Variants in KCNQ1 observed in about 807,000 individuals in gnomAD.
The protein encoded by KCNQ1 is potassium voltage-gated channel subfamily Q member 1, also known as potassium voltage-gated channel subfamily KQT member 1.
KCNQ1 carries 49 observed loss-of-function variants against 72.4 expected under a neutral mutation model. That is an observed-to-expected ratio of 0.68 (90% confidence interval 0.54 to 0.86). The LOEUF is 0.86. Ranked by LOEUF, KCNQ1 falls within the 40% of genes least tolerant of loss-of-function variation. KCNQ1 has a pLI of 0.00. For synonymous variants in KCNQ1, 450 were observed against 412.6 expected (o/e 1.09, Z -1.10); for missense variants, 790 against 945.1 (o/e 0.84, Z 2.15).
chr11:2,499,049 C>T (rs962910056), intron 1 of KCNQ1, among the ~76,000 whole-genome samples: 5 of 152,204 alleles, frequency 3.3e-5, no homozygotes, highest in Non-Finnish European at 7.3e-5. Flanking sequence ...CCGTGGGCTG[C>T]ACCCACTGCC....
intron 3 of KCNQ1, among the ~76,000 whole-genome samples, 183 bp downstream of exon 3, chr11:2,570,937 G>A (rs1044429516): frequency 6.6e-6 from 1 of 152,170 alleles, no homozygotes; most frequent in Non-Finnish European, 1.5e-5. Context: ...GCACTCAGAC[G>A]CTGATCATGG....
Position 2,683,220 on chromosome 11 carries a change from G to A in KCNQ1, c.1514+21139G>A. 2.5e-6 allele frequency: 1 copy of A among 398,656 alleles called. No homozygotes were observed. Among genetic ancestry groups the A allele is most frequent in the Non-Finnish European group, 4.4e-6 (1 of 226,090 alleles). The allele number at this position is 398,656 out of a possible 1,614,324, so 24.7% of individuals were successfully genotyped here. A position where few individuals can be genotyped will look rare whatever the true frequency, so the allele number is the denominator to read the frequency against. On this transcript the variant is annotated intron_variant, in intron 11 of 15. Transcript: ENST00000155840. This position sits in a 1 kb window ranked among gnomAD's most constrained non-coding sequence, Gnocchi z 4.7. ...GCTCATGCATTGTGATGGAACTAGA[G>A]GTGAGATACAGAGCAGGAGTCCATG...
At chr11:2,765,159 T>G (rs1322736968) in intron 11 of KCNQ1, among the ~76,000 whole-genome samples, 2 of 152,236 alleles carry the variant, frequency 1.3e-5, no homozygotes, top group Non-Finnish European at 2.9e-5. Context: ...TCACTGTACT[T>G]TCAGTACCTA....
In KCNQ1 at chr11:2,683,506, T is replaced by C. The variant is rs1006885913; in HGVS notation, c.1514+21425T>C. The C allele has an allele frequency of 7.5e-6, 3 of 398,506 alleles. No individual in the cohort carries two copies. The highest frequency in any genetic ancestry group is 6.2e-5 in the African/African-American group (3 of 48,624). The allele number at this position is 398,506 out of a possible 1,614,324, so 24.7% of individuals were successfully genotyped here. On this transcript the variant is annotated intron_variant, in intron 11 of 15. Coordinates refer to ENST00000155840, the MANE Select transcript of KCNQ1 (RefSeq NM_000218.3). This position sits in a 1 kb window ranked among gnomAD's most constrained non-coding sequence, Gnocchi z 4.7. ...TATTAAAACATAACTTGTTAAAGCATAGAGCTTAGTTCAGAGTAAACATTT... is the reference window on the plus strand; with the variant it reads ...TATTAAAACATAACTTGTTAAAGCACAGAGCTTAGTTCAGAGTAAACATTT...
rs1848775226 is a variant in KCNQ1 at position 2,599,740 on chromosome 11, C to A, written c.1393+10886C>A. ...CATCACATGACCATTGCTCTGGGCACTTGCACCCTGGTGTTTCTCTGTGTG... is the reference window on the plus strand; with the variant it reads ...CATCACATGACCATTGCTCTGGGCAATTGCACCCTGGTGTTTCTCTGTGTG... On this transcript the variant is annotated intron_variant, in intron 10 of 15. Transcript: ENST00000155840. The surrounding 1 kb of genome is among the most constrained non-coding windows in gnomAD (Gnocchi z 4.7). 6.6e-6 allele frequency among the ~76,000 whole-genome samples: 1 copy of A among 152,206 alleles called. No individual in the cohort carries two copies. The highest frequency in any genetic ancestry group is 1.5e-5 in the Non-Finnish European group (1 of 68,036).
chr11:2,561,901 A>G (rs575324128), intron 2 of KCNQ1, among the ~76,000 whole-genome samples: 61 of 151,730 alleles, frequency 4.0e-4, no homozygotes, highest in Non-Finnish European at 7.7e-4. Context: ...AGAGGGCCCC[A>G]CTCAAGGTCA....
intron 10 of KCNQ1, chr11:2,648,184 G>T: frequency 2.9e-6 from 1 of 341,528 alleles, no homozygotes; most frequent in Middle Eastern, 7.4e-4. Context: ...TAGCCTGGGT[G>T]ACAGAGTGAG....
chr11:2,548,504 C>T (rs2283158), intron 2 of KCNQ1, among the ~76,000 whole-genome samples: 22,079 of 152,234 alleles, frequency 0.15, 1,817 homozygotes, highest in East Asian at 0.3. Context: ...CCTTTCTCAG[C>T]CTTGTAGGTG....
intron 2 of KCNQ1, among the ~76,000 whole-genome samples, chr11:2,529,458 G>A (rs1847573293): frequency 7.3e-6 from 1 of 136,362 alleles, no homozygotes; most frequent in African/African-American, 2.8e-5. Flanking sequence ...GTGGTCTCCA[G>A]GAGCATGGTG....
At position 2,508,960 on chromosome 11, in the gene KCNQ1, G is replaced by A. The variant is rs1847149227; in HGVS notation, c.387-18968G>A. On this transcript the variant is annotated intron_variant, in intron 1 of 15. Coordinates refer to ENST00000155840, the MANE Select transcript of KCNQ1 (RefSeq NM_000218.3). This position sits in a 1 kb window ranked among gnomAD's most constrained non-coding sequence, Gnocchi z 6.2. Reference sequence around the variant, plus strand: ...AGAATGTAGAGCTCCAGCTGGATGAGGGCCGTGGGGAAGGGGCACAGCCCT... The same window carrying A: ...AGAATGTAGAGCTCCAGCTGGATGAAGGCCGTGGGGAAGGGGCACAGCCCT... 6.6e-6 allele frequency among the ~76,000 whole-genome samples: 1 copy of A among 152,226 alleles called. No homozygotes were observed. The highest frequency in any genetic ancestry group is 6.5e-5 in the Admixed American group (1 of 15,286).
chr11:2,498,347 T>C lies in KCNQ1; in HGVS notation c.387-29581T>C, dbSNP rs1245720589. Among the ~76,000 whole-genome samples the C allele has an allele frequency of 2.0e-5, 3 of 152,234 alleles. No individual in the cohort carries two copies. The highest frequency in any genetic ancestry group is 6.5e-5 in the Admixed American group (1 of 15,288). On this transcript the variant is annotated intron_variant, in intron 1 of 15. Transcript: ENST00000155840. The surrounding 1 kb of genome is among the most constrained non-coding windows in gnomAD (Gnocchi z 4.8). ...AATGGGAGTTTTATCTATAATCCCCTGACTGGGGCTGCTGCCTTTCTTTCA... is the reference window on the plus strand; with the variant it reads ...AATGGGAGTTTTATCTATAATCCCCCGACTGGGGCTGCTGCCTTTCTTTCA...
In KCNQ1 at chr11:2,627,430, T is replaced by C. The variant is rs906024050; in HGVS notation, c.1394-34531T>C. On this transcript the variant is annotated intron_variant, in intron 10 of 15. Coordinates refer to ENST00000155840, the MANE Select transcript of KCNQ1 (RefSeq NM_000218.3). The surrounding 1 kb of genome is among the most constrained non-coding windows in gnomAD (Gnocchi z 4.9). ...AACTTATTCATCTGATAACTCTATG[T>C]TTGTACCCTTCAACATTTCCTATTT... 2 of 398,404 alleles carry C rather than the reference T, an allele frequency of 5.0e-6. No homozygotes were observed. The highest frequency in any genetic ancestry group is 4.1e-5 in the African/African-American group (2 of 48,628). 24.7% of individuals were successfully genotyped at this position (398,404 alleles called of 1,614,324 possible).
Position 2,549,239 on chromosome 11 carries a change from T to G in KCNQ1, c.477+21221T>G, listed in dbSNP as rs1396176856. ...TCAGCAGGCTACAGCATCCAGCCAG[T>G]GCCACCAGGAGCCCACTGGTGCCAG... is the stretch of plus-strand genomic sequence containing the variant. On this transcript the variant is annotated intron_variant, in intron 2 of 15. Coordinates refer to ENST00000155840, the MANE Select transcript of KCNQ1 (RefSeq NM_000218.3). This position sits in a 1 kb window ranked among gnomAD's most constrained non-coding sequence, Gnocchi z 6.2. 6.6e-6 allele frequency among the ~76,000 whole-genome samples: 1 copy of G among 152,138 alleles called. No individual in the cohort carries two copies. The highest frequency in any genetic ancestry group is 1.5e-5 in the Non-Finnish European group (1 of 68,000).
intron 11 of KCNQ1, among the ~76,000 whole-genome samples, chr11:2,738,757 C>G (rs764513371): frequency 2.6e-5 from 4 of 152,216 alleles, no homozygotes; most frequent in Non-Finnish European, 5.9e-5. Flanking sequence ...GGCTGCAGCA[C>G]TGGCCACACA....
rs537777444 is a variant in KCNQ1 at position 2,527,241 on chromosome 11, G to A, written c.387-687G>A. Among the ~76,000 whole-genome samples, 25 of 152,228 alleles carry A rather than the reference G, an allele frequency of 1.6e-4. No individual in the cohort carries two copies. In the East Asian group the frequency reaches 4.1e-3, roughly 25 times the overall value. On this transcript the variant is annotated intron_variant, in intron 1 of 15. Coordinates refer to ENST00000155840, the MANE Select transcript of KCNQ1 (RefSeq NM_000218.3). ...GGAGGAAGTGAAACTGGAGGAGAGC[G>A]GCCCACAGCCTGCCGCCTGGAGGCT... is the stretch of plus-strand genomic sequence containing the variant.
At chr11:2,578,390 T>C (rs1016515424) in intron 6 of KCNQ1, among the ~76,000 whole-genome samples, 1 of 152,192 alleles carries the variant, frequency 6.6e-6, no homozygotes, top group Non-Finnish European at 1.5e-5. Flanking sequence ...CCCTCACTCA[T>C]AGGGCATTGT....
chr11:2,734,879 C>T lies in KCNQ1; in HGVS notation c.1515-33965C>T, dbSNP rs1037235516. Among the ~76,000 whole-genome samples, 1 of 151,804 alleles carries T rather than the reference C, an allele frequency of 6.6e-6. No homozygotes were observed. Among genetic ancestry groups the T allele is most frequent in the Non-Finnish European group, 1.5e-5 (1 of 67,952 alleles). The stretch of plus-strand genomic sequence containing the variant: ...GGGCCTGGCTGTGGCTTCCCAGGCC[C>T]CGGCTGGGACCACCGCAGAGGTGAT... On this transcript the variant is annotated intron_variant, in intron 11 of 15. Transcript: ENST00000155840. This position sits in a 1 kb window ranked among gnomAD's most constrained non-coding sequence, Gnocchi z 7.0.
Position 2,462,923 on chromosome 11 carries a change from T to A in KCNQ1, c.386+17439T>A. On this transcript the variant is annotated intron_variant, in intron 1 of 15. Coordinates refer to ENST00000155840, the MANE Select transcript of KCNQ1 (RefSeq NM_000218.3). This position sits in a 1 kb window ranked among gnomAD's most constrained non-coding sequence, Gnocchi z 8.2. ...GGGTTCAGGTTTCTTCCCCGTGAGC[T>A]GAGCAGACAGGGAGGGTCTTGGGGG... Among the ~76,000 whole-genome samples, 1 of 152,080 alleles carries A rather than the reference T, an allele frequency of 6.6e-6. No homozygotes were observed. Among genetic ancestry groups the A allele is most frequent in the Non-Finnish European group, 1.5e-5 (1 of 68,002 alleles).
At chr11:2,694,165 CTGAT>C (rs1850634473) in intron 11 of KCNQ1, 1 of 398,554 alleles carries the variant, frequency 2.5e-6, no homozygotes, top group Non-Finnish European at 4.4e-6. Context: ...AGAGGGTACT[CTGAT>C]TGGCCAGGCC....
Sources: gnomAD v4.1 joint callset for allele counts (sites outside exome capture counted in the v4.1 genomes callset) on GRCh38, gnomAD v4.1.1 for gene constraint, Gnocchi (gnomAD v3.1) non-coding constraint, MANE v1.5 for transcripts, NCBI Gene and HGNC (gene_info 2026-07-23, HGNC 2026-07-21) for gene names.